CLEC16A: variants seen among roughly 807,000 people sequenced by gnomAD.
CLEC16A encodes the protein C-type lectin domain containing 16A, also known as protein CLEC16A.
In CLEC16A, 51 loss-of-function variants were observed where a neutral mutation model predicts 109.5. That is an observed-to-expected ratio of 0.47 (90% confidence interval 0.37 to 0.59). CLEC16A has a LOEUF of 0.59. Ranked by LOEUF, CLEC16A falls within the 20% of genes least tolerant of loss-of-function variation. CLEC16A has a pLI of 0.00. For synonymous variants in CLEC16A, 673 were observed against 564.2 expected (o/e 1.19, Z -2.73); for missense variants, 1,339 against 1,394.0 (o/e 0.96, Z 0.63).
At chr16:10,997,010 G>A (rs1178161928) in intron 10 of CLEC16A, among the ~76,000 whole-genome samples, 1 of 152,214 alleles carries the variant, frequency 6.6e-6, no homozygotes. Context: ...CACCCAGGCT[G>A]GAGTGCAGTG....
intron 19 of CLEC16A, among the ~76,000 whole-genome samples, chr16:11,075,416 GTGTGTGTGTGTA>G (rs1567282569): frequency 2.6e-4 from 35 of 136,178 alleles, no homozygotes; most frequent in African/African-American, 9.0e-4. Flanking sequence ...GTGTGTCTGT[GTGTGTGTGTGTA>G]TGTGTGTGTG....
chr16:11,090,046 C>T (rs556305863), intron 19 of CLEC16A, among the ~76,000 whole-genome samples: 8 of 152,102 alleles, frequency 5.3e-5, no homozygotes, highest in Non-Finnish European at 8.8e-5. Flanking sequence ...TCTGCTTGGT[C>T]GTTGTTTATT....
chr16:11,121,936 C>G (rs1028780555), intron 20 of CLEC16A, among the ~76,000 whole-genome samples: 2 of 147,626 alleles, frequency 1.4e-5, no homozygotes, highest in African/African-American at 5.0e-5. Flanking sequence ...TAACTAGTAC[C>G]AGCTCTTTGA....
chr16:11,092,638 A>G (rs973273477), intron 19 of CLEC16A, among the ~76,000 whole-genome samples: 3 of 152,242 alleles, frequency 2.0e-5, no homozygotes, highest in Admixed American at 1.3e-4. Context: ...AGATTTGAAC[A>G]TAACTGATTT....
intron 19 of CLEC16A, among the ~76,000 whole-genome samples, chr16:11,062,439 C>T (rs983432581): frequency 1.3e-5 from 2 of 152,162 alleles, no homozygotes; most frequent in Non-Finnish European, 2.9e-5. Flanking sequence ...CCACAGCCTC[C>T]GTTTCGTCTC....
rs1333632142 is a variant in CLEC16A, at chr16:11,179,679, A to T, written c.*989A>T. 6.6e-6 allele frequency: 1 copy of T among 152,268 alleles called. No homozygotes were observed. The highest frequency in any genetic ancestry group is 1.5e-5 in the Non-Finnish European group (1 of 68,062). 9.4% of individuals were successfully genotyped at this position (152,268 alleles called of 1,614,324 possible). On this transcript the variant is annotated 3_prime_UTR_variant, in exon 24 of 24. Coordinates refer to ENST00000409790, the MANE Select transcript of CLEC16A (RefSeq NM_015226.3). ...ACTCCCGACCCTGTGGCCATGATGGAAATCAAAGGAAGACACCCTCTACGT... is the reference window on the plus strand; with the variant it reads ...ACTCCCGACCCTGTGGCCATGATGGTAATCAAAGGAAGACACCCTCTACGT...
chr16:11,152,009 T>C (rs988114035), intron 22 of CLEC16A, among the ~76,000 whole-genome samples: 6 of 152,064 alleles, frequency 3.9e-5, no homozygotes, highest in African/African-American at 1.4e-4. Context: ...GTTTTGTGTG[T>C]GTGATGAGCA....
chr16:11,024,615 T>TCAGGTTCCCCTCTGGATAG (rs1465708990), intron 12 of CLEC16A: 3 of 499,650 alleles, frequency 6.0e-6, no homozygotes, highest in African/African-American at 1.9e-5. Flanking sequence ...TGTTCCTTGG[T>TCAGGTTCCCCTCTGGATAG]CAGGTTCCCC....
At chr16:11,137,210 A>C (rs2053609650) in intron 22 of CLEC16A, among the ~76,000 whole-genome samples, 1 of 152,106 alleles carries the variant, frequency 6.6e-6, no homozygotes, top group Non-Finnish European at 1.5e-5. Context: ...TTGCTTCTGA[A>C]TCATTTGTTT....
intron 18 of CLEC16A, among the ~76,000 whole-genome samples, chr16:11,052,504 G>T (rs2048001750): frequency 6.6e-6 from 1 of 152,250 alleles, no homozygotes; most frequent in East Asian, 1.9e-4. Flanking sequence ...CGGAAGCCTG[G>T]GGGTGCAGAG....
intron 6 of CLEC16A, 25 bp downstream of exon 6, chr16:10,972,584 T>C (rs1333809095): frequency 6.2e-7 from 1 of 1,602,558 alleles, no homozygotes; most frequent in Admixed American, 1.7e-5. Flanking sequence ...TCTGGTTTTC[T>C]GCTTTCTTAA....
intron 13 of CLEC16A, chr16:11,027,800 T>A (rs1392953050): frequency 1.2e-6 from 1 of 869,198 alleles, no homozygotes; most frequent in Non-Finnish European, 1.9e-6. Context: ...TTTTGATCAA[T>A]GAAGTGGAAG....
intron 10 of CLEC16A, among the ~76,000 whole-genome samples, chr16:10,989,918 C>G (rs2043900626): frequency 6.6e-6 from 1 of 152,208 alleles, no homozygotes; most frequent in African/African-American, 2.4e-5. Context: ...TCAGCCGAGT[C>G]TCCCGTGTGC....
chr16:11,073,616 G>T (rs1233071129), intron 19 of CLEC16A, among the ~76,000 whole-genome samples: 1 of 152,220 alleles, frequency 6.6e-6, no homozygotes, highest in East Asian at 1.9e-4. Context: ...ATGTCTTGCT[G>T]CATCTGCCCA....
At chr16:11,141,135 G>C (rs2053806051) in intron 22 of CLEC16A, among the ~76,000 whole-genome samples, 1 of 152,246 alleles carries the variant, frequency 6.6e-6, no homozygotes, top group African/African-American at 2.4e-5. Flanking sequence ...TTGCAGAGCA[G>C]TTGGCCTGGC....
intron 19 of CLEC16A, among the ~76,000 whole-genome samples, chr16:11,112,039 C>G (rs1029471911): frequency 6.6e-6 from 1 of 152,250 alleles, no homozygotes; most frequent in Non-Finnish European, 1.5e-5. Context: ...GTGTAGAGTT[C>G]TCCCTACCGT....
At chr16:11,121,288 C>T (rs1486086045) in intron 20 of CLEC16A, among the ~76,000 whole-genome samples, 3 of 152,168 alleles carry the variant, frequency 2.0e-5, no homozygotes, top group Non-Finnish European at 2.9e-5. Flanking sequence ...CATGCCGTGT[C>T]GGCTATTTCC....
rs76576587 is a variant in CLEC16A at position 10,965,174 on chromosome 16, C to G, written c.343+2586C>G. 4.1e-3 allele frequency among the ~76,000 whole-genome samples: 618 copies of G among 152,304 alleles called. 8 individuals carry two copies. The highest frequency in any genetic ancestry group is 4.4e-3 in the Non-Finnish European group (299 of 68,030). Reference sequence around the variant, plus strand: ...TTGTCCTGGCACCGAAAAGGGTGCCCTGCTGTGGGAAACCCAGGCAGATGC... The same window carrying G: ...TTGTCCTGGCACCGAAAAGGGTGCCGTGCTGTGGGAAACCCAGGCAGATGC... On this transcript the variant is annotated intron_variant, in intron 3 of 23. Transcript: ENST00000409790.
intron 19 of CLEC16A, among the ~76,000 whole-genome samples, chr16:11,114,481 C>T (rs1432628921): frequency 2.6e-5 from 4 of 152,136 alleles, no homozygotes; most frequent in African/African-American, 4.8e-5. Flanking sequence ...GAGGCTGCCA[C>T]ATACCACGAC....
Sources: allele counts gnomAD v4.1 joint callset (sites outside exome capture counted in the v4.1 genomes callset), GRCh38; gene constraint gnomAD v4.1.1; transcripts MANE v1.5; gene names NCBI Gene and HGNC (gene_info 2026-07-23, HGNC 2026-07-21).